STON1: variants seen among roughly 807,000 people sequenced by gnomAD.
STON1 encodes stonin-1.
STON1 carries 79 observed loss-of-function variants against 60.9 expected under a neutral mutation model. The ratio of observed to expected loss-of-function variants is 1.30; its 90% CI spans 1.08 to 1.56. The LOEUF (loss-of-function observed/expected upper bound fraction) is 1.56. Among genes scored for constraint, STON1 ranks in the 40% most tolerant of loss-of-function variants. The probability of loss-of-function intolerance (pLI) is 0.00; values close to 1 mark genes in which losing one functional copy is unlikely to be tolerated. For synonymous variants in STON1, 363 were observed against 306.9 expected (o/e 1.18, Z -1.91); for missense variants, 1,166 against 858.9 (o/e 1.36, Z -4.47).
chr2:48,549,752 G>T (rs184073880), intron 1 of STON1, among the ~76,000 whole-genome samples: 36 of 144,800 alleles, frequency 2.5e-4, no homozygotes, highest in Non-Finnish European at 4.9e-4. Flanking sequence ...GACAGAGGTT[G>T]CAGCAAGCCA....
At chr2:48,556,723 C>T (rs1174448005) in intron 1 of STON1, among the ~76,000 whole-genome samples, 2 of 15,292 alleles carry the variant, frequency 1.3e-4, no homozygotes, top group African/African-American at 7.1e-4. Flanking sequence ...ACCTCCCGGA[C>T]GGGGCGGCTG....
intron 1 of STON1, among the ~76,000 whole-genome samples, chr2:48,580,206 C>T (rs935421910): frequency 6.6e-6 from 1 of 152,158 alleles, no homozygotes; most frequent in African/African-American, 2.4e-5. Context: ...CCATTCCCAG[C>T]TGGGTTAATA....
intron 1 of STON1, among the ~76,000 whole-genome samples, chr2:48,537,531 AGTT>A (rs1671477883): frequency 6.6e-6 from 1 of 152,138 alleles, no homozygotes; most frequent in Non-Finnish European, 1.5e-5. Flanking sequence ...TCATAAGTGA[AGTT>A]GTTCTAGAAT....
rs764876858 is a variant in STON1, at chr2:48,581,372, A to C, written c.739A>C (p.Ser247Arg). ...AGCTGAGAACCAAGACTCACTTAGA[A>C]GTTTGTCTATGCACTGTCTATGTGC... ...QSAENQDSLR[S>R]LSMHCLCAEE... The change falls in exon 2 of 4, where the codon AGT becomes CGT. Residue 247 changes from serine (S) to arginine (R), a missense_variant. Transcript: ENST00000404752. The C allele has an allele frequency of 4.4e-6, 7 of 1,576,610 alleles. No individual in the cohort carries two copies. Among genetic ancestry groups the C allele is most frequent in the Middle Eastern group, 1.7e-4 (1 of 5,866 alleles).
At chr2:48,577,364 C>T (rs1456901344) in intron 1 of STON1, among the ~76,000 whole-genome samples, 2 of 151,870 alleles carry the variant, frequency 1.3e-5, no homozygotes, top group South Asian at 2.1e-4. Context: ...GGGCAGATCA[C>T]GAGGTCGGGA....
Position 48,580,930 on chromosome 2 carries a change from T to C in STON1, c.297T>C (p.Thr99=). 6.2e-7 allele frequency: 1 copy of C among 1,600,122 alleles called. No individual in the cohort carries two copies. The change falls in exon 2 of 4, where the codon ACT becomes ACC. Residue 99 remains threonine (T), a synonymous_variant. Coordinates refer to ENST00000404752, the MANE Select transcript of STON1 (RefSeq NM_006873.4). ...PGFPGIPKAG[T]HVLYPIPESS... ...TTCCTGGCATCCCCAAAGCAGGGACTCATGTGCTTTATCCTATTCCAGAAT... is the reference window on the plus strand; with the variant it reads ...TTCCTGGCATCCCCAAAGCAGGGACCCATGTGCTTTATCCTATTCCAGAAT...
rs577600297 is a variant in STON1 at position 48,559,097 on chromosome 2, C to G, written c.-47-21490C>G. Among the ~76,000 whole-genome samples, 36 of 152,312 alleles carry G rather than the reference C, an allele frequency of 2.4e-4. No homozygotes were observed. The South Asian group carries it at 6.6e-3, about 28-fold the overall frequency. Reference sequence around the variant, plus strand: ...CTGAAAACATCTGAAATCTGAAACACTTCTGGTCCCAAGCGTTTTAGATAA... The same window carrying G: ...CTGAAAACATCTGAAATCTGAAACAGTTCTGGTCCCAAGCGTTTTAGATAA... On this transcript the variant is annotated intron_variant, in intron 1 of 3. Transcript: ENST00000404752.
intron 1 of STON1, among the ~76,000 whole-genome samples, chr2:48,538,755 A>ATG: frequency 8.0e-6 from 1 of 125,518 alleles, no homozygotes; most frequent in Non-Finnish European, 1.6e-5. Context: ...GCGCCACCAC[A>ATG]CCCAGCTATT....
rs1200580583 is a variant in STON1, at chr2:48,598,247, C to G, written c.*2945C>G. On this transcript the variant is annotated 3_prime_UTR_variant, in exon 4 of 4. Transcript: ENST00000404752. ...ATACTTTCCAGCACATAAATAAAGGCTGGAATTTTACAACCTGATGTATAT... is the reference window on the plus strand; with the variant it reads ...ATACTTTCCAGCACATAAATAAAGGGTGGAATTTTACAACCTGATGTATAT... The G allele has an allele frequency of 1.3e-5, 2 of 152,290 alleles. No homozygotes were observed. Among genetic ancestry groups the G allele is most frequent in the African/African-American group, 4.8e-5 (2 of 41,434 alleles). The allele number at this position is 152,290 out of a possible 1,614,324, so 9.4% of individuals were successfully genotyped here.
chr2:48,572,298 C>T (rs190031140), intron 1 of STON1, among the ~76,000 whole-genome samples: 219 of 152,284 alleles, frequency 1.4e-3, no homozygotes, highest in Non-Finnish European at 2.4e-3. Context: ...TATTAAACTT[C>T]CAGGACAAAG....
At chr2:48,538,725 G>A (rs1671530007) in intron 1 of STON1, among the ~76,000 whole-genome samples, 1 of 144,424 alleles carries the variant, frequency 6.9e-6, no homozygotes, top group Non-Finnish European at 1.5e-5. Context: ...AGCCTCCCGA[G>A]TTGCTGGGAT....
chr2:48,569,496 G>A lies in STON1; in HGVS notation c.-47-11091G>A, dbSNP rs149483418. On this transcript the variant is annotated intron_variant, in intron 1 of 3. Coordinates refer to ENST00000404752, the MANE Select transcript of STON1 (RefSeq NM_006873.4). ...GACTTAATTTGTGGAAAAGTGAAAA[G>A]ACCATTTAAAATTATTCAATCAGAA... is the stretch of plus-strand genomic sequence containing the variant. Among the ~76,000 whole-genome samples, 680 of 152,288 alleles carry A rather than the reference G, an allele frequency of 4.5e-3. 8 individuals carry two copies. The highest frequency in any genetic ancestry group is 0.016 in the African/African-American group (647 of 41,568).
chr2:48,587,108 G>A (rs1674251907), intron 2 of STON1, among the ~76,000 whole-genome samples: 1 of 152,094 alleles, frequency 6.6e-6, no homozygotes, highest in South Asian at 2.1e-4. Flanking sequence ...ACCCATATTT[G>A]GGCCCCATCC....
At chr2:48,577,097 A>G (rs1572969600) in intron 1 of STON1, among the ~76,000 whole-genome samples, 1 of 151,692 alleles carries the variant, frequency 6.6e-6, no homozygotes, top group Admixed American at 6.6e-5. Flanking sequence ...CCGTTTGCAA[A>G]TATTTTCTCC....
chr2:48,584,877 C>G (rs778594106), intron 2 of STON1, among the ~76,000 whole-genome samples: 1 of 152,114 alleles, frequency 6.6e-6, no homozygotes, highest in African/African-American at 2.4e-5. Flanking sequence ...TGGTTTAACA[C>G]CTGTTGACTG....
intron 1 of STON1, among the ~76,000 whole-genome samples, chr2:48,570,442 C>T (rs937880427): frequency 6.6e-6 from 1 of 152,198 alleles, no homozygotes; most frequent in Non-Finnish European, 1.5e-5. Context: ...TGTGAACCCT[C>T]CTATTGCTGA....
At chr2:48,588,103 C>T (rs1279618756) in intron 2 of STON1, among the ~76,000 whole-genome samples, 1 of 152,086 alleles carries the variant, frequency 6.6e-6, no homozygotes, top group Non-Finnish European at 1.5e-5. Flanking sequence ...TTTTGTGGGC[C>T]CAGGAATCAC....
At chr2:48,588,047 T>C (rs1422154619) in intron 2 of STON1, among the ~76,000 whole-genome samples, 1 of 152,170 alleles carries the variant, frequency 6.6e-6, no homozygotes, top group Non-Finnish European at 1.5e-5. Context: ...AATAATAAGG[T>C]TGGAGCAGAG....
At chr2:48,578,175 C>A (rs1486798045) in intron 1 of STON1, among the ~76,000 whole-genome samples, 1 of 152,020 alleles carries the variant, frequency 6.6e-6, no homozygotes, top group Non-Finnish European at 1.5e-5. Context: ...TGGGGTTTCA[C>A]CATGTTGGCC....
Sources: gnomAD v4.1 joint callset for allele counts (sites outside exome capture counted in the v4.1 genomes callset) on GRCh38, gnomAD v4.1.1 for gene constraint, MANE v1.5 for transcripts, NCBI Gene and HGNC (gene_info 2026-07-23, HGNC 2026-07-21) for gene names.